The following DNAJB5 variants were observed in gnomAD, a reference collection of about 807,000 sequenced individuals.
The protein encoded by DNAJB5 is DnaJ heat shock protein family (Hsp40) member B5, also known as dnaJ homolog subfamily B member 5.
A neutral mutation model predicts 32.6 loss-of-function variants in DNAJB5; 12 were observed. The observed-to-expected ratio is 0.37, with a 90% CI of 0.24 to 0.60. The LOEUF (loss-of-function observed/expected upper bound fraction) is 0.60, where lower values mean the gene tolerates loss of function less well. DNAJB5 is among the 20% of genes least tolerant of loss of function. The probability of loss-of-function intolerance (pLI) is 0.71; values close to 1 mark genes in which losing one functional copy is unlikely to be tolerated. For missense variants in DNAJB5, 358 were observed against 554.2 expected (o/e 0.65, Z 3.55); for synonymous variants, 188 against 212.9 (o/e 0.88, Z 1.02).
chr9:34,997,312 T>C lies in DNAJB5; in HGVS notation c.*53T>C. On this transcript the variant is annotated 3_prime_UTR_variant, in exon 5 of 5. Transcript: ENST00000682809. The surrounding 1 kb of genome is among the most constrained non-coding windows in gnomAD (Gnocchi z 4.1). ...CCACAGCAATACCCCCAACACTCAC[T>C]CCACTCAATGTGCACCCAGCTTGAT... 1 of 1,553,412 alleles carries C rather than the reference T, an allele frequency of 6.4e-7. No homozygotes were observed. Among genetic ancestry groups the C allele is most frequent in the Non-Finnish European group, 8.9e-7 (1 of 1,126,072 alleles).
rs1341306176 is a variant in DNAJB5, at chr9:34,996,579, C to T, written c.742C>T (p.Arg248Trp). The T allele has an allele frequency of 1.9e-6, 3 of 1,614,072 alleles. No homozygotes were observed. The highest frequency in any genetic ancestry group is 1.1e-5 in the South Asian group (1 of 91,084). Reference protein sequence around the residue: ...VQDPPVVHELRVSLEEIYHGS... With the variant: ...VQDPPVVHELWVSLEEIYHGS... ...GGACCCCCCAGTGGTGCACGAGCTG[C>T]GGGTGTCCCTGGAGGAGATCTACCA... Residue 248 changes from arginine to tryptophan, a missense_variant, in exon 4 of 5, where the codon CGG becomes TGG. Physicochemically the swap from Arg to Trp is moderately radical, Grantham distance 101. Coordinates refer to ENST00000682809, the MANE Select transcript of DNAJB5 (RefSeq NM_001349723.3). This position sits in a 1 kb window ranked among gnomAD's most constrained non-coding sequence, Gnocchi z 7.2.
intron 2 of DNAJB5, chr9:34,992,080 G>C (rs1297519156): frequency 6.6e-6 from 1 of 152,504 alleles, no homozygotes; most frequent in Non-Finnish European, 1.5e-5. Flanking sequence ...CCAAGTCTCA[G>C]AAGGGCTGAG....
intron 2 of DNAJB5, chr9:34,991,611 G>C: frequency 5.5e-6 from 1 of 182,912 alleles, no homozygotes; most frequent in Non-Finnish European, 1.1e-5. Context: ...AGAAATGGCA[G>C]ACCACCCCCC....
chr9:34,991,674 C>CA (rs199737722), intron 2 of DNAJB5: 5 of 240,702 alleles, frequency 2.1e-5, no homozygotes, highest in African/African-American at 8.0e-5. Flanking sequence ...GGTTGCCCCC[C>CA]CCCCCAACGA....
At chr9:34,991,492 C>A in intron 2 of DNAJB5, 1 of 452,630 alleles carries the variant, frequency 2.2e-6, no homozygotes, top group Non-Finnish European at 4.4e-6. Flanking sequence ...GGTTGGTGAG[C>A]CGTTCCACTG....
At chr9:34,995,079 C>T (rs529334170) in intron 3 of DNAJB5, among the ~76,000 whole-genome samples, 14 of 152,040 alleles carry the variant, frequency 9.2e-5, no homozygotes, top group Non-Finnish European at 1.6e-4. Flanking sequence ...ATCAGCCCCT[C>T]GATAGAAGGA....
intron 2 of DNAJB5, chr9:34,991,354 C>T (rs1267976796): frequency 2.2e-6 from 1 of 456,246 alleles, no homozygotes; most frequent in South Asian, 1.5e-5. Flanking sequence ...GGAGGCAGAT[C>T]CTGAAAGAGC....
chr9:34,994,436 C>T (rs1044037879), intron 3 of DNAJB5, among the ~76,000 whole-genome samples: 6 of 152,170 alleles, frequency 3.9e-5, no homozygotes, highest in Non-Finnish European at 8.8e-5. Context: ...CTGCCGGTTC[C>T]TTCCATTCTT....
rs746447027 is a variant in DNAJB5 at position 34,996,949 on chromosome 9, C to T, written c.1030-77C>T. On this transcript the variant is annotated intron_variant, in intron 4 of 4. Coordinates refer to ENST00000682809, the MANE Select transcript of DNAJB5 (RefSeq NM_001349723.3). The surrounding 1 kb of genome is among the most constrained non-coding windows in gnomAD (Gnocchi z 7.2). ...CTTCCCGCCAGCTGGCACATTCTTT[C>T]CCCACCTCAGTCTATTTCCTTCCTT... 3 of 1,591,058 alleles carry T rather than the reference C, an allele frequency of 1.9e-6. No individual in the cohort carries two copies. The highest frequency in any genetic ancestry group is 4.5e-5 in the East Asian group (2 of 44,684).
In DNAJB5 at chr9:34,989,782, G is replaced by T; in HGVS notation, c.-182G>T. On this transcript the variant is annotated 5_prime_UTR_variant, in exon 1 of 5. Coordinates refer to ENST00000682809, the MANE Select transcript of DNAJB5 (RefSeq NM_001349723.3). ...GGCGGCGGAGCCGGAGCCGGGGGAG[G>T]GGGCAGCGGCTGTCTCACGGACCAC... 2 of 1,231,432 alleles carry T rather than the reference G, an allele frequency of 1.6e-6. No individual in the cohort carries two copies. Among genetic ancestry groups the T allele is most frequent in the African/African-American group, 1.6e-5 (1 of 64,504 alleles). The allele number at this position is 1,231,432 out of a possible 1,614,324, so 76.3% of individuals were successfully genotyped here.
intron 3 of DNAJB5, among the ~76,000 whole-genome samples, chr9:34,994,391 C>T (rs1388655276): frequency 6.6e-6 from 1 of 152,170 alleles, no homozygotes; most frequent in Non-Finnish European, 1.5e-5. Flanking sequence ...TCTGTGAACC[C>T]TCATCCTCCC....
rs1381381823 is a variant in DNAJB5 at position 34,990,587 on chromosome 9, G to C, written c.-44G>C. ...GGCTTCCAGAGCTGCAGCACTTCAG[G>C]CCGGCTCCGGTGGAGCGATCAGAGG... On this transcript the variant is annotated 5_prime_UTR_variant, in exon 2 of 5. Coordinates refer to ENST00000682809, the MANE Select transcript of DNAJB5 (RefSeq NM_001349723.3). This position sits in a 1 kb window ranked among gnomAD's most constrained non-coding sequence, Gnocchi z 4.5. 1.3e-6 allele frequency: 2 copies of C among 1,551,142 alleles called. No homozygotes were observed. Among genetic ancestry groups the C allele is most frequent in the Non-Finnish European group, 1.7e-6 (2 of 1,146,942 alleles).
chr9:34,990,647 T>G lies in DNAJB5; in HGVS notation c.17T>G (p.Val6Gly). Reference protein sequence around the residue: MFKRTVLSCPPPAAPP... With the variant: MFKRTGLSCPPPAAPP... ...TGGCTGGGCATGTTTAAGCGCACAG[T>G]GCTCTCCTGCCCACCCCCAGCAGCA... is the stretch of plus-strand genomic sequence containing the variant. The change falls in exon 2 of 5, where the codon GTG (valine) becomes GGG (glycine). Residue 6 changes from valine (V) to glycine (G), a missense_variant. Coordinates refer to ENST00000682809, the MANE Select transcript of DNAJB5 (RefSeq NM_001349723.3). The surrounding 1 kb of genome is among the most constrained non-coding windows in gnomAD (Gnocchi z 4.5). 1 of 1,551,598 alleles carries G rather than the reference T, an allele frequency of 6.4e-7. No individual in the cohort carries two copies. Among genetic ancestry groups the G allele is most frequent in the Non-Finnish European group, 8.7e-7 (1 of 1,146,950 alleles).
Position 34,996,933 on chromosome 9 carries a change from A to T in DNAJB5, c.1029+67A>T, listed in dbSNP as rs577666863. 8.8e-6 allele frequency: 14 copies of T among 1,586,826 alleles called. No homozygotes were observed. The highest frequency in any genetic ancestry group is 1.2e-5 in the Non-Finnish European group (14 of 1,168,560). On this transcript the variant is annotated intron_variant, in intron 4 of 4. Coordinates refer to ENST00000682809, the MANE Select transcript of DNAJB5 (RefSeq NM_001349723.3). The surrounding 1 kb of genome is among the most constrained non-coding windows in gnomAD (Gnocchi z 7.2). Reference sequence around the variant, plus strand: ...TGGGGACATTCCCTCTCTTCCCGCCAGCTGGCACATTCTTTCCCCACCTCA... The same window carrying T: ...TGGGGACATTCCCTCTCTTCCCGCCTGCTGGCACATTCTTTCCCCACCTCA...
intron 3 of DNAJB5, among the ~76,000 whole-genome samples, chr9:34,995,932 G>A (rs150057042): frequency 9.4e-4 from 143 of 152,292 alleles, no homozygotes; most frequent in African/African-American, 3.4e-3. Flanking sequence ...AGTCATTCAA[G>A]GCTTTTTGAG....
intron 2 of DNAJB5, chr9:34,991,706 C>A (rs1827650321): frequency 7.1e-6 from 2 of 280,076 alleles, no homozygotes; most frequent in African/African-American, 5.0e-5. Context: ...TTCTCTGCCT[C>A]TCCCAACCCC....
rs1300813220 is a variant in DNAJB5, at chr9:34,990,062, C to T, written c.-133+231C>T. Among the ~76,000 whole-genome samples, 2 of 151,880 alleles carry T rather than the reference C, an allele frequency of 1.3e-5. No homozygotes were observed. The highest frequency in any genetic ancestry group is 4.8e-5 in the African/African-American group (2 of 41,342). Reference sequence around the variant, plus strand: ...AGGGGAGGGGAGGGTCGAGTCGGACCGGACCAGATTGGGTTCTGTGGGGCG... The same window carrying T: ...AGGGGAGGGGAGGGTCGAGTCGGACTGGACCAGATTGGGTTCTGTGGGGCG... On this transcript the variant is annotated intron_variant, in intron 1 of 4. Coordinates refer to ENST00000682809, the MANE Select transcript of DNAJB5 (RefSeq NM_001349723.3). The surrounding 1 kb of genome is among the most constrained non-coding windows in gnomAD (Gnocchi z 4.5).
At chr9:34,992,166 A>C (rs901683900) in intron 2 of DNAJB5, 2 of 152,256 alleles carry the variant, frequency 1.3e-5, no homozygotes, top group East Asian at 3.9e-4. Context: ...CCACAGACAC[A>C]CCGATAGAGG....
At chr9:34,991,670 C>CCCA in intron 2 of DNAJB5, 1 of 208,594 alleles carries the variant, frequency 4.8e-6, no homozygotes, top group South Asian at 3.4e-5. Context: ...AAACGGTTGC[C>CCCA]CCCCCCCCCA....
Sources: allele counts gnomAD v4.1 joint callset (sites outside exome capture counted in the v4.1 genomes callset), GRCh38; gene constraint gnomAD v4.1.1; non-coding constraint Gnocchi (gnomAD v3.1); transcripts MANE v1.5; gene names NCBI Gene and HGNC (gene_info 2026-07-23, HGNC 2026-07-21).